ZNF677: variants seen among roughly 807,000 people sequenced by gnomAD.
ZNF677 encodes zinc finger protein 677, also known as hypothetical protein MGC48625.
ZNF677 carries 5 observed loss-of-function variants against 8.1 expected under a neutral mutation model. The ratio of observed to expected loss-of-function variants is 0.62; its 90% CI spans 0.32 to 1.29. The LOEUF is 1.29. Among genes scored for constraint, ZNF677 ranks in the 50% most tolerant of loss-of-function variants. ZNF677 has a pLI of 0.05. For synonymous variants in ZNF677, 221 were observed against 225.6 expected, an observed-to-expected ratio of 0.98 and a Z score of 0.18; for missense variants, 685 against 685.9, an observed-to-expected ratio of 1.00 and a Z score of 0.01.
At chr19:53,244,014 A>C in intron 3 of ZNF677, 117 bp from the exon 4 acceptor site, 1 of 873,200 alleles carries the variant, frequency 1.1e-6, no homozygotes, top group South Asian at 1.9e-5. Context: ...CAAGCAACTT[A>C]TATATCCCTA....
chr19:53,243,595 A>C (rs1568692166), intron 4 of ZNF677, 149 bp downstream of exon 4: 1 of 1,002,726 alleles, frequency 1.0e-6, no homozygotes, highest in East Asian at 2.5e-5. Flanking sequence ...GGAAGTTTAA[A>C]GTCTATATGC....
intron 4 of ZNF677, chr19:53,240,459 G>A (rs866061698): frequency 7.2e-5 from 11 of 152,124 alleles, no homozygotes; most frequent in African/African-American, 2.7e-4. Flanking sequence ...TGTTAGCCAG[G>A]ATCGTCTTGA....
At position 53,237,886 on chromosome 19, in the gene ZNF677, G is replaced by C; in HGVS notation, c.841C>G (p.His281Asp). The C allele has an allele frequency of 6.2e-7, 1 of 1,613,398 alleles. No homozygotes were observed. The highest frequency in any genetic ancestry group is 8.5e-7 in the Non-Finnish European group (1 of 1,179,996). ...AFSKSSNLTN[H>D]QRIHSGQRPY... ...CTCTGTCCAGAGTGAATTCTCTGAT[G>C]ATTAGTGAGGTTCGAACTTTTGCTA... Residue 281 changes from histidine to aspartate, a missense_variant, in exon 5 of 5, where the codon CAT becomes GAT. Transcript: ENST00000598513.
chr19:53,235,744 TTGTAC>T lies in ZNF677; in HGVS notation c.*1223_*1227del, dbSNP rs1482346135. ...CTACTCTTCTTGTTTCATGGTCATC[TTGTAC>T]TGTAACCAATCTCTCCTATAATCGA... On this transcript the variant is annotated 3_prime_UTR_variant, in exon 5 of 5. Coordinates refer to ENST00000598513, the MANE Select transcript of ZNF677 (RefSeq NM_182609.4). 1 of 152,248 alleles carries T rather than the reference TTGTAC, an allele frequency of 6.6e-6. No individual in the cohort carries two copies. Among genetic ancestry groups the T allele is most frequent in the African/African-American group, 2.4e-5 (1 of 41,450 alleles). The allele number at this position is 152,248 out of a possible 1,614,324, so 9.4% of individuals were successfully genotyped here. A position where few individuals can be genotyped will look rare whatever the true frequency, so the allele number is the denominator to read the frequency against.
chr19:53,248,762 G>A (rs2091187016), intron 3 of ZNF677, among the ~76,000 whole-genome samples: 1 of 152,148 alleles, frequency 6.6e-6, no homozygotes, highest in Admixed American at 6.5e-5. Context: ...GTTTGATTAT[G>A]TGTCTTGCTG....
At chr19:53,251,436 T>C (rs1276765218) in intron 3 of ZNF677, 100 bp downstream of exon 3, 3 of 923,098 alleles carry the variant, frequency 3.2e-6, no homozygotes, top group Admixed American at 1.8e-5. Context: ...AATATACATA[T>C]TAGTCAGGAC....
intron 3 of ZNF677, among the ~76,000 whole-genome samples, chr19:53,247,393 AAAAAAAATCAC>A (rs1171430338): frequency 4.6e-5 from 7 of 152,062 alleles, no homozygotes; most frequent in Non-Finnish European, 7.4e-5. Flanking sequence ...ACCTTAAAAA[AAAAAAAATCAC>A]AAAAAAATCT....
At chr19:53,251,626 G>C (rs2091235438) in intron 2 of ZNF677, 21 bp from the exon 3 acceptor site, 9 of 1,589,016 alleles carry the variant, frequency 5.7e-6, no homozygotes, top group African/African-American at 4.0e-5. Flanking sequence ...AAAATATGTT[G>C]TTTAATGCTT....
chr19:53,242,208 A>C (rs547080554), intron 4 of ZNF677: 1 of 397,788 alleles, frequency 2.5e-6, no homozygotes, highest in South Asian at 1.4e-4. Context: ...CTGGGATTAT[A>C]GGCGTGAGGC....
intron 4 of ZNF677, chr19:53,241,909 T>C: frequency 2.5e-6 from 1 of 398,318 alleles, no homozygotes; most frequent in East Asian, 3.6e-5. Flanking sequence ...AATTTCAGAC[T>C]CTAGGAATGT....
intron 4 of ZNF677, chr19:53,240,704 G>A (rs955519326): frequency 1.3e-5 from 2 of 152,256 alleles, no homozygotes; most frequent in African/African-American, 4.8e-5. Flanking sequence ...GAGATGAACA[G>A]ACAGAGCACA....
chr19:53,246,532 TCA>T (rs1599922024), intron 3 of ZNF677, among the ~76,000 whole-genome samples: 1 of 100,342 alleles, frequency 1.0e-5, no homozygotes, highest in East Asian at 3.2e-4. Context: ...ACACACACAC[TCA>T]CACACACGAA....
chr19:53,244,359 C>T (rs1342579059), intron 3 of ZNF677, among the ~76,000 whole-genome samples: 1 of 152,162 alleles, frequency 6.6e-6, no homozygotes, highest in East Asian at 1.9e-4. Context: ...CAAGACTTCA[C>T]CTCAAAATAA....
intron 3 of ZNF677, among the ~76,000 whole-genome samples, chr19:53,245,870 G>C (rs1392487662): frequency 6.6e-6 from 1 of 152,004 alleles, no homozygotes; most frequent in Non-Finnish European, 1.5e-5. Flanking sequence ...AAATTAGCCA[G>C]ACGTGGTGGT....
intron 3 of ZNF677, among the ~76,000 whole-genome samples, chr19:53,248,222 CTTCT>C (rs2091177809): frequency 6.6e-6 from 1 of 152,274 alleles, no homozygotes; most frequent in South Asian, 2.1e-4. Flanking sequence ...TGCATAACAA[CTTCT>C]GTTTCTATAT....
chr19:53,246,317 C>CAAAA (rs59756987), intron 3 of ZNF677, among the ~76,000 whole-genome samples: 2 of 122,174 alleles, frequency 1.6e-5, no homozygotes, highest in Non-Finnish European at 1.6e-5. Flanking sequence ...GACTCCGTCC[C>CAAAA]AAAAAAAAAG....
intron 2 of ZNF677, among the ~76,000 whole-genome samples, chr19:53,252,566 T>C (rs1389337257): frequency 6.6e-6 from 1 of 152,196 alleles, no homozygotes; most frequent in Non-Finnish European, 1.5e-5. Context: ...AGGATTTAAC[T>C]CTTTTCCAGA....
Position 53,238,152 on chromosome 19 carries a change from C to G in ZNF677, c.575G>C (p.Gly192Ala), listed in dbSNP as rs770824589. The change falls in exon 5 of 5, where the codon GGA (glycine) becomes GCA (alanine). Residue 192 changes from glycine (G) to alanine (A), a missense_variant. By Grantham distance (60) the Gly-to-Ala change is moderately conservative. Transcript: ENST00000598513. Reference sequence around the variant, plus strand: ...AGCCAGCTGTGCCTGTAAGCTTAATCCAATTTTATTTTCAAAACACTTCAC... The same window carrying G: ...AGCCAGCTGTGCCTGTAAGCTTAATGCAATTTTATTTTCAAAACACTTCAC... ...KYVKCFENKI[G>A]LSLQAQLAEL... The G allele has an allele frequency of 1.2e-6, 2 of 1,613,202 alleles. No individual in the cohort carries two copies. The highest frequency in any genetic ancestry group is 1.7e-6 in the Non-Finnish European group (2 of 1,179,610).
rs2090976398 is a variant in ZNF677 at position 53,236,902 on chromosome 19, T to C, written c.*70A>G. The C allele has an allele frequency of 2.2e-6, 3 of 1,375,948 alleles. No homozygotes were observed. The South Asian group carries it at 4.6e-5, about 21-fold the overall frequency. The allele number at this position is 1,375,948 out of a possible 1,614,324, so 85.2% of individuals were successfully genotyped here. A position where few individuals can be genotyped will look rare whatever the true frequency, so the allele number is the denominator to read the frequency against. On this transcript the variant is annotated 3_prime_UTR_variant, in exon 5 of 5. Transcript: ENST00000598513. ...GTATATTCTGGTATCAAGTGAGACA[T>C]AAGCCATAGCTAAAGGCTTTACCAC...
Sources: allele counts gnomAD v4.1 joint callset (sites outside exome capture counted in the v4.1 genomes callset), GRCh38; gene constraint gnomAD v4.1.1; transcripts MANE v1.5; gene names NCBI Gene and HGNC (gene_info 2026-07-23, HGNC 2026-07-21).